TM9SF3: variants seen among roughly 807,000 people sequenced by gnomAD.
TM9SF3 encodes SM-11044-binding protein.
In TM9SF3, 14 loss-of-function variants were observed where a neutral mutation model predicts 78.6. That is an observed-to-expected ratio of 0.18 (90% CI 0.12 to 0.28). The LOEUF (loss-of-function observed/expected upper bound fraction) is 0.28, where lower values mean the gene tolerates loss of function less well. Among genes scored for constraint, TM9SF3 ranks in the 10% least tolerant of loss-of-function variants. TM9SF3 has a pLI of 1.00. For missense variants in TM9SF3, 496 were observed against 721.9 expected (o/e 0.69, Z 3.59); for synonymous variants, 231 against 241.7 (o/e 0.96, Z 0.41).
intron 5 of TM9SF3, among the ~76,000 whole-genome samples, chr10:96,557,622 C>A (rs765429090): frequency 2.0e-5 from 3 of 152,142 alleles, no homozygotes; most frequent in Non-Finnish European, 2.9e-5. Flanking sequence ...CTGGCTCCTG[C>A]TACCTCTCTG....
chr10:96,544,287 A>G, intron 8 of TM9SF3, 81 bp from the exon 9 acceptor site: 1 of 1,240,676 alleles, frequency 8.1e-7, no homozygotes. Context: ...TATAAAGATC[A>G]TGAAATTTAA....
At chr10:96,586,440 C>T (rs1378992160) in intron 1 of TM9SF3, among the ~76,000 whole-genome samples, 1 of 152,170 alleles carries the variant, frequency 6.6e-6, no homozygotes, top group African/African-American at 2.4e-5. Context: ...TTCCCAGGCT[C>T]CTTCCTGGCC....
chr10:96,563,219 G>A (rs980378791), intron 3 of TM9SF3, among the ~76,000 whole-genome samples: 18 of 152,202 alleles, frequency 1.2e-4, no homozygotes, highest in Admixed American at 1.2e-3. Flanking sequence ...AGGACTACAG[G>A]CAAGTGCCAC....
chr10:96,565,678 T>C (rs1848359763), intron 2 of TM9SF3, among the ~76,000 whole-genome samples: 1 of 152,054 alleles, frequency 6.6e-6, no homozygotes. Flanking sequence ...AATCATCCCT[T>C]ATACAAAGCA....
At chr10:96,541,056 G>A (rs1171078125) in intron 9 of TM9SF3, among the ~76,000 whole-genome samples, 4 of 151,710 alleles carry the variant, frequency 2.6e-5, no homozygotes, top group African/African-American at 9.7e-5. Flanking sequence ...GAGCCACTGC[G>A]CCCGGCCAGT....
intron 9 of TM9SF3, among the ~76,000 whole-genome samples, chr10:96,538,705 T>A (rs533134543): frequency 2.6e-5 from 4 of 152,108 alleles, no homozygotes; most frequent in African/African-American, 9.7e-5. Context: ...TCTATTAAAA[T>A]AGGCAAAAGA....
At chr10:96,551,493 G>C (rs1191833539) in intron 6 of TM9SF3, 82 bp from the exon 7 acceptor site, 2 of 1,065,010 alleles carry the variant, frequency 1.9e-6, no homozygotes, top group Non-Finnish European at 2.5e-6. Context: ...AATTACAGTT[G>C]TAAGTTTCCT....
chr10:96,530,484 A>G, intron 11 of TM9SF3, 56 bp downstream of exon 11: 4 of 1,429,432 alleles, frequency 2.8e-6, no homozygotes, highest in Non-Finnish European at 3.9e-6. Flanking sequence ...CCTAACTCCT[A>G]AATTGTCTTA....
intron 2 of TM9SF3, among the ~76,000 whole-genome samples, chr10:96,567,084 CTTT>C (rs5787198): frequency 8.0e-6 from 1 of 124,834 alleles, no homozygotes; most frequent in Non-Finnish European, 1.6e-5. Context: ...TGTATAAAGC[CTTT>C]TTTTTTTTTT....
At chr10:96,551,155 C>A in intron 7 of TM9SF3, 90 bp downstream of exon 7, 1 of 1,059,694 alleles carries the variant, frequency 9.4e-7, no homozygotes, top group Non-Finnish European at 1.3e-6. Flanking sequence ...AAATAAGTAA[C>A]GATTTAATTA....
In TM9SF3 at chr10:96,551,431, T is replaced by G. The variant is rs12411811; in HGVS notation, c.793-20A>C. 3.8e-3 allele frequency: 5,467 copies of G among 1,446,468 alleles called. 96 individuals carry two copies. In the African/African-American group the frequency reaches 0.052, roughly 14 times the overall value. 89.6% of individuals were successfully genotyped at this position (1,446,468 alleles called of 1,614,324 possible). Reference sequence around the variant, plus strand: ...TCTATCCTATATACAAATATATATATAGAGAGAGAAAAGCAAATCATTCAG... The same window carrying G: ...TCTATCCTATATACAAATATATATAGAGAGAGAGAAAAGCAAATCATTCAG... On this transcript the variant is annotated intron_variant, in intron 6 of 14. Transcript: ENST00000371142.
At chr10:96,576,583 C>T in intron 2 of TM9SF3, 51 bp downstream of exon 2, 1 of 1,484,012 alleles carries the variant, frequency 6.7e-7, no homozygotes, top group Non-Finnish European at 9.0e-7. Flanking sequence ...AAATATGAAA[C>T]CCTTGTCTAC....
At chr10:96,565,193 T>C (rs1848354544) in intron 3 of TM9SF3, 111 bp downstream of exon 3, 5 of 1,045,564 alleles carry the variant, frequency 4.8e-6, no homozygotes, top group Non-Finnish European at 6.4e-6. Flanking sequence ...TAAAAAACAG[T>C]GAAAACACAT....
chr10:96,582,634 G>C (rs568179820), intron 1 of TM9SF3, among the ~76,000 whole-genome samples: 1 of 152,130 alleles, frequency 6.6e-6, no homozygotes, highest in Non-Finnish European at 1.5e-5. Context: ...CAACATGTCT[G>C]TAATGCATAT....
At chr10:96,532,989 A>G in intron 10 of TM9SF3, 62 bp downstream of exon 10, 1 of 1,586,042 alleles carries the variant, frequency 6.3e-7, no homozygotes, top group Non-Finnish European at 8.6e-7. Flanking sequence ...ACATGTACAC[A>G]ACAGCCTTAA....
chr10:96,526,726 G>A (rs1847842336), intron 14 of TM9SF3, among the ~76,000 whole-genome samples: 2 of 152,112 alleles, frequency 1.3e-5, no homozygotes, highest in Non-Finnish European at 1.5e-5. Context: ...ATCATAACAA[G>A]TAAACTGTGC....
At chr10:96,562,216 GTTT>G (rs34868868) in intron 3 of TM9SF3, 78 bp from the exon 4 acceptor site, 8,714 of 550,618 alleles carry the variant, frequency 0.016, no homozygotes, top group East Asian at 0.024. Context: ...TGCTCATTAA[GTTT>G]TTTTTTTTTT....
At chr10:96,540,130 T>C (rs1464333028) in intron 9 of TM9SF3, among the ~76,000 whole-genome samples, 1 of 152,234 alleles carries the variant, frequency 6.6e-6, no homozygotes, top group Admixed American at 6.5e-5. Context: ...TACTAGTTCA[T>C]TATTTTATAT....
chr10:96,522,409 T>A (rs1480587173), intron 14 of TM9SF3, 79 bp from the exon 15 acceptor site: 1 of 1,103,826 alleles, frequency 9.1e-7, no homozygotes, highest in African/African-American at 1.7e-5. Flanking sequence ...AAATACTCTA[T>A]GCTCTGGAAA....
Sources: gnomAD v4.1 joint callset for allele counts (sites outside exome capture counted in the v4.1 genomes callset) on GRCh38, gnomAD v4.1.1 for gene constraint, MANE v1.5 for transcripts, NCBI Gene and HGNC (gene_info 2026-07-23, HGNC 2026-07-21) for gene names.